The following GLG1 variants were observed in gnomAD, a reference collection of about 807,000 sequenced individuals.
GLG1 encodes the protein Golgi apparatus protein 1.
In GLG1, 38 loss-of-function variants were observed where a neutral mutation model predicts 160.5. The ratio of observed to expected loss-of-function variants is 0.24; its 90% CI spans 0.18 to 0.31. GLG1 has a LOEUF of 0.31. Ranked by LOEUF, GLG1 falls within the 10% of genes least tolerant of loss-of-function variation. GLG1 has a pLI of 1.00. For missense variants in GLG1, 1,373 were observed against 1,505.2 expected, an observed-to-expected ratio of 0.91 and a Z score of 1.45; for synonymous variants, 644 against 543.4, an observed-to-expected ratio of 1.19 and a Z score of -2.57.
chr16:74,601,864 A>G (rs778250592), intron 1 of GLG1, among the ~76,000 whole-genome samples: 1 of 152,206 alleles, frequency 6.6e-6, no homozygotes, highest in Non-Finnish European at 1.5e-5. Flanking sequence ...CATTAGAAAG[A>G]GTATGGTCTT....
At chr16:74,465,871 T>C in intron 18 of GLG1, 58 bp from the exon 19 acceptor site, 1 of 1,484,372 alleles carries the variant, frequency 6.7e-7, no homozygotes, top group African/African-American at 1.4e-5. Context: ...CATCCATGTG[T>C]TCTGATTGAA....
At chr16:74,554,714 A>T (rs2018305282) in intron 1 of GLG1, among the ~76,000 whole-genome samples, 1 of 152,172 alleles carries the variant, frequency 6.6e-6, no homozygotes, top group African/African-American at 2.4e-5. Context: ...ATAAAATTAC[A>T]TTTTGGTGGA....
In GLG1 at chr16:74,468,657, G is replaced by A. The variant is rs935902071; in HGVS notation, c.2436+289C>T. On this transcript the variant is annotated intron_variant, in intron 17 of 25. Transcript: ENST00000422840. ...GCTGGGATTACCTGCATGAGCCACA[G>A]CACCCAGCCCCTGAGGACATTACTG... 7 of 340,126 alleles carry A rather than the reference G, an allele frequency of 2.1e-5. No individual in the cohort carries two copies. In the Admixed American group the frequency reaches 2.7e-4, roughly 13 times the overall value. The allele number at this position is 340,126 out of a possible 1,614,324, so 21.1% of individuals were successfully genotyped here. A position where few individuals can be genotyped will look rare whatever the true frequency, so the allele number is the denominator to read the frequency against.
chr16:74,596,721 T>A (rs142484039), intron 1 of GLG1, among the ~76,000 whole-genome samples: 311 of 152,244 alleles, frequency 2.0e-3, no homozygotes, highest in Non-Finnish European at 3.4e-3. Flanking sequence ...GGGGGGAAAA[T>A]GAGCTATCAC....
intron 1 of GLG1, among the ~76,000 whole-genome samples, chr16:74,544,025 G>A (rs544906083): frequency 1.8e-4 from 27 of 152,314 alleles, no homozygotes; most frequent in African/African-American, 5.8e-4. Context: ...ATGGCTTGGA[G>A]AAGTGAAAGG....
At chr16:74,585,084 A>G (rs904329141) in intron 1 of GLG1, among the ~76,000 whole-genome samples, 2 of 152,236 alleles carry the variant, frequency 1.3e-5, no homozygotes, top group Middle Eastern at 3.4e-3. Context: ...TTAAAACCCT[A>G]TCTTTAAATC....
intron 1 of GLG1, among the ~76,000 whole-genome samples, chr16:74,586,886 G>T (rs1958065621): frequency 6.6e-6 from 1 of 151,894 alleles, no homozygotes; most frequent in Admixed American, 6.6e-5. Context: ...AGTAGAGATG[G>T]GGTTTCACCA....
intron 7 of GLG1, among the ~76,000 whole-genome samples, chr16:74,491,469 T>G (rs1185626290): frequency 6.6e-6 from 1 of 152,086 alleles, no homozygotes; most frequent in Admixed American, 6.6e-5. Flanking sequence ...ATGCAAATGC[T>G]TTGCCCATGG....
chr16:74,565,254 AG>A lies in GLG1; in HGVS notation c.439-33102del, dbSNP rs758554372. Among the ~76,000 whole-genome samples, 18 of 152,280 alleles carry A rather than the reference AG, an allele frequency of 1.2e-4. No individual in the cohort carries two copies. In the East Asian group the frequency reaches 3.5e-3, roughly 29 times the overall value. ...TGAGACATGAGAATCACTTGAACCC[AG>A]GGGGCAGAAGTTGCAGTGAACCGAG... On this transcript the variant is annotated intron_variant, in intron 1 of 25. Transcript: ENST00000422840.
intron 7 of GLG1, 44 bp from the exon 8 acceptor site, chr16:74,491,259 T>TAACATTACGAAG: frequency 7.7e-7 from 1 of 1,296,124 alleles, no homozygotes. Context: ...GGTGATGCTA[T>TAACATTACGAAG]GTATTAGCAT....
chr16:74,585,654 G>A (rs1361050903), intron 1 of GLG1, among the ~76,000 whole-genome samples: 1 of 144,166 alleles, frequency 6.9e-6, no homozygotes, highest in Non-Finnish European at 1.5e-5. Context: ...CTTGCAGTGA[G>A]CCAAGATCAC....
intron 25 of GLG1, chr16:74,456,425 G>C (rs1312433753): frequency 2.1e-6 from 1 of 474,918 alleles, no homozygotes; most frequent in Non-Finnish European, 3.7e-6. Context: ...CTCCCAAAAC[G>C]CTGAGATTAC....
At chr16:74,544,610 G>A (rs1381331864) in intron 1 of GLG1, among the ~76,000 whole-genome samples, 1 of 152,240 alleles carries the variant, frequency 6.6e-6, no homozygotes, top group East Asian at 1.9e-4. Flanking sequence ...AGGTTTAGGC[G>A]ACCCTCTTGC....
chr16:74,570,664 G>T (rs2018798879), intron 1 of GLG1, among the ~76,000 whole-genome samples: 1 of 152,084 alleles, frequency 6.6e-6, no homozygotes, highest in South Asian at 2.1e-4. Context: ...GGGACGCCAG[G>T]GCAGGAGCAT....
intron 1 of GLG1, among the ~76,000 whole-genome samples, chr16:74,595,441 G>A (rs1958276785): frequency 1.3e-5 from 2 of 151,926 alleles, no homozygotes; most frequent in Admixed American, 1.3e-4. Flanking sequence ...GGAGGCTGAG[G>A]CAGGAGAATG....
chr16:74,491,248 G>A (rs2015973473), intron 7 of GLG1, 33 bp from the exon 8 acceptor site: 13 of 1,448,836 alleles, frequency 9.0e-6, no homozygotes, highest in African/African-American at 1.4e-5. Flanking sequence ...ACATTACGAA[G>A]GGTGATGCTA....
intron 8 of GLG1, 80 bp downstream of exon 8, chr16:74,490,921 G>T: frequency 1.0e-6 from 1 of 952,684 alleles, no homozygotes. Context: ...TCCATATAAA[G>T]CAAGGTGGGA....
At chr16:74,519,743 C>T (rs2017100105) in intron 2 of GLG1, among the ~76,000 whole-genome samples, 1 of 152,068 alleles carries the variant, frequency 6.6e-6, no homozygotes, top group African/African-American at 2.4e-5. Context: ...CGGGCACTTT[C>T]AATTCTTTTT....
rs192826552 is a variant in GLG1 at position 74,462,289 on chromosome 16, C to A, written c.2935-94G>T. ...GAAAAAAAAAACAAACAACAACAAC[C>A]ACAAGAACAAGAAAAAAACAAAAAG... is the stretch of plus-strand genomic sequence containing the variant. On this transcript the variant is annotated intron_variant, in intron 21 of 25. Transcript: ENST00000422840. 2.0e-5 allele frequency: 16 copies of A among 819,584 alleles called. No homozygotes were observed. In the East Asian group the frequency reaches 4.0e-4, roughly 20 times the overall value. The allele number at this position is 819,584 out of a possible 1,614,324, so 50.8% of individuals were successfully genotyped here. A position where few individuals can be genotyped will look rare whatever the true frequency, so the allele number is the denominator to read the frequency against.
Sources: allele counts gnomAD v4.1 joint callset (sites outside exome capture counted in the v4.1 genomes callset), GRCh38; gene constraint gnomAD v4.1.1; transcripts MANE v1.5; gene names NCBI Gene and HGNC (gene_info 2026-07-23, HGNC 2026-07-21).